Variants in MAP4K4 observed in about 807,000 individuals in gnomAD.
MAP4K4 encodes the protein HPK/GCK-like kinase HGK.
MAP4K4 carries 38 observed loss-of-function variants against 189.6 expected under a neutral mutation model. The observed-to-expected ratio is 0.20, with a 90% confidence interval of 0.15 to 0.26. The LOEUF is 0.26. Among genes scored for constraint, MAP4K4 ranks in the 10% least tolerant of loss-of-function variants. The pLI is 1.00. For missense variants in MAP4K4, 1,054 were observed against 1,726.9 expected, an observed-to-expected ratio of 0.61 and a Z score of 6.91; for synonymous variants, 610 against 624.3, an observed-to-expected ratio of 0.98 and a Z score of 0.34.
chr2:101,868,830 G>GA (rs2097895573), intron 21 of MAP4K4, among the ~76,000 whole-genome samples: 1 of 151,898 alleles, frequency 6.6e-6, no homozygotes, highest in Non-Finnish European at 1.5e-5. Flanking sequence ...TCATTTTAAT[G>GA]TAGGTTTGAA....
intron 3 of MAP4K4, among the ~76,000 whole-genome samples, chr2:101,809,089 T>A (rs2095242711): frequency 6.6e-6 from 1 of 152,356 alleles, no homozygotes; most frequent in East Asian, 1.9e-4. Flanking sequence ...TTCTCCTGAA[T>A]AATTCAGGTG....
intron 2 of MAP4K4, among the ~76,000 whole-genome samples, chr2:101,766,126 G>T (rs1344007515): frequency 6.6e-6 from 1 of 152,144 alleles, no homozygotes; most frequent in African/African-American, 2.4e-5. Context: ...GACTGCTTCT[G>T]AGAAAACTTT....
At chr2:101,728,264 T>A (rs1238828878) in intron 2 of MAP4K4, among the ~76,000 whole-genome samples, 1 of 152,174 alleles carries the variant, frequency 6.6e-6, no homozygotes, top group East Asian at 1.9e-4. Context: ...CATAGATTAC[T>A]GGGCCCCATC....
At chr2:101,742,733 G>C (rs903744553) in intron 2 of MAP4K4, among the ~76,000 whole-genome samples, 1 of 152,148 alleles carries the variant, frequency 6.6e-6, no homozygotes, top group East Asian at 1.9e-4. Flanking sequence ...AGCAGGTAAA[G>C]GAGAGAGAAT....
At chr2:101,891,137 C>G in intron 32 of MAP4K4, 29 bp from the exon 33 acceptor site, 1 of 1,577,348 alleles carries the variant, frequency 6.3e-7, no homozygotes, top group Non-Finnish European at 8.7e-7. Context: ...ACCATGGTAA[C>G]CATTCCCTCT....
At chr2:101,779,369 A>G (rs1279441823) in intron 2 of MAP4K4, among the ~76,000 whole-genome samples, 1 of 152,210 alleles carries the variant, frequency 6.6e-6, no homozygotes, top group Non-Finnish European at 1.5e-5. Context: ...CAACTCCACT[A>G]GATCTATTTA....
chr2:101,864,010 A>G (rs755927152), exon 17 of MAP4K4: 1 of 1,367,536 alleles, frequency 7.3e-7, no homozygotes, highest in Non-Finnish European at 9.8e-7. Context: ...CCCTACCCAA[A>G]AGGCTTGGTC....
At chr2:101,881,711 A>G (rs934540710) in intron 27 of MAP4K4, among the ~76,000 whole-genome samples, 1 of 152,036 alleles carries the variant, frequency 6.6e-6, no homozygotes, top group Non-Finnish European at 1.5e-5. Flanking sequence ...CTCTATTCCT[A>G]TTTCCCTGAA....
chr2:101,869,479 G>A lies in MAP4K4; in HGVS notation c.2464-143G>A, dbSNP rs2097917691. ...TTGGTCTTTTCTATCAAAAGCCATA[G>A]GAGCTCACTTTCTCATGAAACTGGG... On this transcript the variant is annotated intron_variant, in intron 21 of 32. Transcript: ENST00000324219. 8.0e-6 allele frequency: 5 copies of A among 623,134 alleles called. No individual in the cohort carries two copies. In the South Asian group the frequency reaches 1.0e-4, roughly 12 times the overall value. The allele number at this position is 623,134 out of a possible 1,614,324, so 38.6% of individuals were successfully genotyped here.
rs913730729 is a variant in MAP4K4 at position 101,697,836 on chromosome 2, A to C, written c.-245A>C. ...GGGGCCTGACGGCCGGCCCCGCGCC[A>C]TGGTGTGAGCGCCGCCGCCCGTGCA... On this transcript the variant is annotated 5_prime_UTR_variant, in exon 1 of 33. It removes an upstream start codon present in the reference 5' UTR. Coordinates refer to ENST00000324219, the Ensembl canonical transcript of MAP4K4. The C allele has an allele frequency of 7.1e-6, 1 of 140,726 alleles. No homozygotes were observed. Among genetic ancestry groups the C allele is most frequent in the African/African-American group, 2.6e-5 (1 of 39,122 alleles). The allele number at this position is 140,726 out of a possible 1,614,324, so 8.7% of individuals were successfully genotyped here. A position where few individuals can be genotyped will look rare whatever the true frequency, so the allele number is the denominator to read the frequency against.
chr2:101,787,104 A>AG (rs2091554224), intron 2 of MAP4K4, among the ~76,000 whole-genome samples: 1 of 152,174 alleles, frequency 6.6e-6, no homozygotes, highest in South Asian at 2.1e-4. Flanking sequence ...GGATGATACA[A>AG]GGGAAAAAAA....
At chr2:101,756,561 T>A (rs2072912288) in intron 2 of MAP4K4, among the ~76,000 whole-genome samples, 1 of 152,092 alleles carries the variant, frequency 6.6e-6, no homozygotes, top group Non-Finnish European at 1.5e-5. Flanking sequence ...TTTCTGTTGT[T>A]GTTTCTTATT....
rs374179839 is a variant in MAP4K4, at chr2:101,870,407, G to A, written c.2752G>A (p.Val918Ile). ...CCCATCCAAGGAGGGCACTCTAATC[G>A]TCCGCCAGGTACCCGTGTCTTCTCT... The change falls in exon 23 of 33, where the codon GTC (valine) becomes ATC (isoleucine). Residue 918 changes from valine to isoleucine, a missense_variant. Coordinates refer to ENST00000324219, the Ensembl canonical transcript of MAP4K4. The A allele has an allele frequency of 5.0e-5, 81 of 1,613,420 alleles. No homozygotes were observed. Among genetic ancestry groups the A allele is most frequent in the Non-Finnish European group, 6.4e-5 (75 of 1,179,768 alleles).
intron 2 of MAP4K4, among the ~76,000 whole-genome samples, chr2:101,742,362 C>G (rs2063217328): frequency 6.6e-6 from 1 of 152,168 alleles, no homozygotes; most frequent in African/African-American, 2.4e-5. Flanking sequence ...TCAGTGGCCT[C>G]TTAGGACTGG....
At chr2:101,826,424 G>T (rs1408407158) in intron 5 of MAP4K4, among the ~76,000 whole-genome samples, 1 of 152,108 alleles carries the variant, frequency 6.6e-6, no homozygotes, top group East Asian at 1.9e-4. Flanking sequence ...TAGTTGTGAA[G>T]GGTGGGGTAG....
chr2:101,773,145 G>A (rs2082281110), intron 2 of MAP4K4, among the ~76,000 whole-genome samples: 1 of 152,154 alleles, frequency 6.6e-6, no homozygotes, highest in South Asian at 2.1e-4. Context: ...TTCCTTGATT[G>A]TAGCACTAGA....
At chr2:101,870,467 A>G (rs2097955328) in intron 23 of MAP4K4, 52 bp downstream of exon 23, 1 of 1,604,458 alleles carries the variant, frequency 6.2e-7, no homozygotes, top group African/African-American at 1.3e-5. Context: ...GTGGTCATTA[A>G]CCCACTTGCT....
At chr2:101,764,082 T>C (rs2077552791) in intron 2 of MAP4K4, among the ~76,000 whole-genome samples, 1 of 152,156 alleles carries the variant, frequency 6.6e-6, no homozygotes, top group African/African-American at 2.4e-5. Context: ...GGGTTTGGTG[T>C]TCCCTAAGGA....
intron 2 of MAP4K4, among the ~76,000 whole-genome samples, chr2:101,734,435 A>T (rs1399091543): frequency 6.6e-6 from 1 of 152,234 alleles, no homozygotes; most frequent in Non-Finnish European, 1.5e-5. Context: ...TATGGATATC[A>T]GGTAGTTTAC....
Sources: gnomAD v4.1 joint callset for allele counts (sites outside exome capture counted in the v4.1 genomes callset) on GRCh38, gnomAD v4.1.1 for gene constraint, MANE v1.5 for transcripts, NCBI Gene and HGNC (gene_info 2026-07-23, HGNC 2026-07-21) for gene names.